GRAMD1B: variants seen among roughly 807,000 people sequenced by gnomAD.
The protein encoded by GRAMD1B is protein Aster-B.
A neutral mutation model predicts 99.7 loss-of-function variants in GRAMD1B; 37 were observed. The observed-to-expected ratio is 0.37, with a 90% confidence interval of 0.29 to 0.49. GRAMD1B has a LOEUF of 0.49. GRAMD1B is among the 20% of genes least tolerant of loss of function. The pLI, the probability that GRAMD1B is intolerant of heterozygous loss-of-function variation, is 0.98. For synonymous variants in GRAMD1B, 427 were observed against 387.6 expected (o/e 1.10, Z -1.19); for missense variants, 888 against 1,009.2 (o/e 0.88, Z 1.63).
chr11:123,422,381 G>A (rs1948474421), intron 1 of GRAMD1B, among the ~76,000 whole-genome samples: 1 of 152,154 alleles, frequency 6.6e-6, no homozygotes, highest in African/African-American at 2.4e-5. Flanking sequence ...AACCTCTCAA[G>A]GTACAGTAGG....
At chr11:123,359,003 G>A (rs1487843109) in intron 1 of GRAMD1B, among the ~76,000 whole-genome samples, 1 of 152,156 alleles carries the variant, frequency 6.6e-6, no homozygotes, top group Non-Finnish European at 1.5e-5. Flanking sequence ...TTTGGCTGAG[G>A]TGTCCCTCAC....
intron 1 of GRAMD1B, among the ~76,000 whole-genome samples, chr11:123,410,547 C>T (rs868176030): frequency 2.0e-5 from 3 of 152,106 alleles, no homozygotes; most frequent in Admixed American, 6.5e-5. Context: ...TCTGCCTACA[C>T]AAGACCCTGG....
intron 1 of GRAMD1B, among the ~76,000 whole-genome samples, chr11:123,374,161 GT>G (rs1449189569): frequency 6.6e-6 from 1 of 152,146 alleles, no homozygotes; most frequent in Admixed American, 6.5e-5. Flanking sequence ...AGTGTGGATT[GT>G]TTCTCTGTTA....
In GRAMD1B at chr11:123,598,144, C is replaced by G. The variant is rs934971180; in HGVS notation, c.969+2107C>G. ...CAGTGTTTGGGATGCCCAAACACCT[C>G]ATGCCATGCCATGAGCATGATGCCA... On this transcript the variant is annotated intron_variant, in intron 7 of 19. Coordinates refer to ENST00000635736, the MANE Select transcript of GRAMD1B (RefSeq NM_001387025.1). 6.3e-6 allele frequency: 10 copies of G among 1,576,622 alleles called. No homozygotes were observed. The African/African-American group carries it at 1.1e-4, about 17-fold the overall frequency.
chr11:123,387,531 G>A (rs555758017), intron 1 of GRAMD1B, among the ~76,000 whole-genome samples: 1 of 152,196 alleles, frequency 6.6e-6, no homozygotes, highest in East Asian at 1.9e-4. Flanking sequence ...CCAGGTGAGT[G>A]GGTTTGGAGG....
intron 1 of GRAMD1B, among the ~76,000 whole-genome samples, chr11:123,377,408 C>G (rs188356557): frequency 6.6e-6 from 1 of 152,164 alleles, no homozygotes; most frequent in African/African-American, 2.4e-5. Flanking sequence ...GAGCAAAATG[C>G]GTGGTGGGTG....
At chr11:123,534,202 A>G (rs1276183978) in intron 2 of GRAMD1B, among the ~76,000 whole-genome samples, 1 of 152,240 alleles carries the variant, frequency 6.6e-6, no homozygotes, top group Admixed American at 6.5e-5. Context: ...TATTCTTGCA[A>G]TAAAGTAAGT....
chr11:123,614,452 C>T (rs1165806861), intron 16 of GRAMD1B, among the ~76,000 whole-genome samples: 2 of 152,250 alleles, frequency 1.3e-5, no homozygotes, highest in East Asian at 3.8e-4. Context: ...CCCAATGCCA[C>T]ATCCTCTCCC....
chr11:123,616,662 G>A (rs1954433235), intron 17 of GRAMD1B, among the ~76,000 whole-genome samples: 1 of 152,266 alleles, frequency 6.6e-6, no homozygotes. Flanking sequence ...GGCTGACACA[G>A]CACAGCTTGC....
In GRAMD1B at chr11:123,410,592, G is replaced by T. The variant is rs147355453; in HGVS notation, c.-176+51793G>T. On this transcript the variant is annotated intron_variant, in intron 1 of 20. Coordinates refer to the GRAMD1B transcript ENST00000638157. The stretch of plus-strand genomic sequence containing the variant: ...CCTTCTGTTTGTCCCTGCTCCACCC[G>T]CCAGTAGCACCTGCAGACCACATCC... 1.2e-3 allele frequency among the ~76,000 whole-genome samples: 190 copies of T among 152,110 alleles called. 1 individual carries two copies. The highest frequency in any genetic ancestry group is 4.4e-3 in the African/African-American group (181 of 41,518).
chr11:123,397,005 T>C (rs1947487373), intron 1 of GRAMD1B, among the ~76,000 whole-genome samples: 1 of 152,204 alleles, frequency 6.6e-6, no homozygotes, highest in African/African-American at 2.4e-5. Flanking sequence ...AAAATGCAGA[T>C]TGATGAGTTT....
chr11:123,605,499 ACTT>A, intron 10 of GRAMD1B, 21 bp downstream of exon 10: 4 of 1,594,490 alleles, frequency 2.5e-6, no homozygotes, highest in Non-Finnish European at 3.4e-6. Flanking sequence ...TCAGCCTTTG[ACTT>A]CTACCCCCAG....
At chr11:123,526,928 G>A (rs1177968557) in intron 2 of GRAMD1B, among the ~76,000 whole-genome samples, 2 of 152,228 alleles carry the variant, frequency 1.3e-5, no homozygotes, top group Admixed American at 1.3e-4. Context: ...GCACGGGCAG[G>A]TGAATTGGCT....
rs1955447015 is a variant in GRAMD1B at position 123,625,491 on chromosome 11, C to T, written c.*2896C>T. 1 of 152,258 alleles carries T rather than the reference C, an allele frequency of 6.6e-6. No homozygotes were observed. The allele number at this position is 152,258 out of a possible 1,614,324, so 9.4% of individuals were successfully genotyped here. Reference sequence around the variant, plus strand: ...CAGACAAGCTAATCATGGTGCGACTCTCTCCCTTCCTCATCCACCTCTTTG... The same window carrying T: ...CAGACAAGCTAATCATGGTGCGACTTTCTCCCTTCCTCATCCACCTCTTTG... On this transcript the variant is annotated 3_prime_UTR_variant, in exon 20 of 20. Transcript: ENST00000635736.
At position 123,605,450 on chromosome 11, in the gene GRAMD1B, C is replaced by G. The variant is rs140366389; in HGVS notation, c.1295C>G (p.Ser432Cys). ...TCCATCACCAACAGCACACTAACAT[C>G]CACAGGGAGCAGTGAGGCCCCCGTC... ...KKSITNSTLT[S>C]TGSSEAPVSF... The change falls in exon 10 of 20, where the codon TCC (serine) becomes TGC (cysteine). Residue 432 changes from serine (S) to cysteine (C), a missense_variant. Ser to Cys is a moderately radical substitution (Grantham distance 112, BLOSUM62 -1). This residue lies in a region of GRAMD1B where 269 missense variants were observed against 296.6 expected (regional missense o/e 0.91). Transcript: ENST00000635736. 3.2e-4 allele frequency: 516 copies of G among 1,612,864 alleles called. No homozygotes were observed. Among genetic ancestry groups the G allele is most frequent in the Middle Eastern group, 6.6e-4 (4 of 6,056 alleles).
chr11:123,511,118 C>T (rs1361818767), intron 2 of GRAMD1B, among the ~76,000 whole-genome samples: 1 of 152,124 alleles, frequency 6.6e-6, no homozygotes, highest in Non-Finnish European at 1.5e-5. Flanking sequence ...CTTCTCTGCA[C>T]TGCATTCCAT....
chr11:123,487,808 T>G (rs1354585070), intron 2 of GRAMD1B, among the ~76,000 whole-genome samples: 1 of 152,132 alleles, frequency 6.6e-6, no homozygotes, highest in Non-Finnish European at 1.5e-5. Context: ...GGTTTCACCA[T>G]GTTGGCCAGG....
intron 1 of GRAMD1B, among the ~76,000 whole-genome samples, chr11:123,466,331 AAAG>A (rs1342307209): frequency 1.3e-5 from 2 of 148,912 alleles, no homozygotes; most frequent in South Asian, 2.1e-4. Context: ...AGAAAGAAAG[AAAG>A]AAGGAAGGAA....
intron 9 of GRAMD1B, among the ~76,000 whole-genome samples, chr11:123,604,630 G>A (rs1013702759): frequency 7.2e-5 from 11 of 152,170 alleles, no homozygotes; most frequent in African/African-American, 2.7e-4. Context: ...TAATAGTGTT[G>A]TCGCTTAACC....
Sources: allele counts gnomAD v4.1 joint callset (sites outside exome capture counted in the v4.1 genomes callset), GRCh38; gene constraint gnomAD v4.1.1; regional missense constraint gnomAD v4.1.1; transcripts MANE v1.5; gene names NCBI Gene and HGNC (gene_info 2026-07-23, HGNC 2026-07-21).